Variants in SAMMSON observed in about 807,000 individuals in gnomAD.
SAMMSON encodes the protein survival associated mitochondrial melanoma specific oncogenic non-coding RNA, also known as long intergenic non-protein coding RNA 1212.
chr3:70,128,004 T>A (rs2067466598), intron 4 of SAMMSON, among the ~76,000 whole-genome samples: 1 of 152,220 alleles, frequency 6.6e-6, no homozygotes, highest in Admixed American at 6.5e-5. Context: ...AGGACCAGAA[T>A]GGATAACGTT....
chr3:70,218,917 C>T (rs1701438067), intron 4 of SAMMSON, among the ~76,000 whole-genome samples: 1 of 151,942 alleles, frequency 6.6e-6, no homozygotes, highest in African/African-American at 2.4e-5. Flanking sequence ...TTAAAATAAG[C>T]TACCACAAAG....
intron 7 of SAMMSON, among the ~76,000 whole-genome samples, chr3:70,335,899 C>G (rs1702656504): frequency 6.6e-6 from 1 of 151,908 alleles, no homozygotes; most frequent in South Asian, 2.1e-4. Context: ...TGTATCAAAC[C>G]AGGAGACCCC....
intron 1 of SAMMSON, among the ~76,000 whole-genome samples, chr3:70,005,359 A>C (rs2066922494): frequency 7.3e-6 from 1 of 137,358 alleles, no homozygotes. Context: ...TCTGTTCCAT[A>C]TGGGGTGGGC....
chr3:70,287,974 A>G (rs1341495995), intron 6 of SAMMSON, among the ~76,000 whole-genome samples: 4 of 151,870 alleles, frequency 2.6e-5, no homozygotes, highest in Admixed American at 2.0e-4. Context: ...TCTTGCTAGC[A>G]GTCTATCTCT....
chr3:70,225,179 G>A (rs1240315598), intron 4 of SAMMSON, among the ~76,000 whole-genome samples: 1 of 151,738 alleles, frequency 6.6e-6, no homozygotes. Flanking sequence ...TGATGAACTA[G>A]TCCACAAAAG....
At chr3:70,422,763 A>T (rs1246862967) in intron 2 of SAMMSON, among the ~76,000 whole-genome samples, 4 of 151,716 alleles carry the variant, frequency 2.6e-5, no homozygotes, top group South Asian at 2.1e-4. Context: ...CCATATAAAT[A>T]AAAAAAAGCA....
chr3:70,372,334 C>G (rs1018463908), intron 9 of SAMMSON, among the ~76,000 whole-genome samples: 3 of 151,500 alleles, frequency 2.0e-5, no homozygotes, highest in African/African-American at 7.3e-5. Flanking sequence ...ATTTTTGATA[C>G]AGAGTCTTAT....
chr3:70,424,063 A>G (rs1486743666), intron 2 of SAMMSON, among the ~76,000 whole-genome samples: 1 of 152,234 alleles, frequency 6.6e-6, no homozygotes, highest in East Asian at 1.9e-4. Flanking sequence ...TTTGTCCAGT[A>G]GAGATACAAT....
At chr3:70,066,419 A>AGGAAGAATG (rs2067210688) in intron 3 of SAMMSON, among the ~76,000 whole-genome samples, 1 of 152,062 alleles carries the variant, frequency 6.6e-6, no homozygotes, top group Non-Finnish European at 1.5e-5. Context: ...TTTTTCTTAT[A>AGGAAGAATG]GGAAGAATGG....
intron 4 of SAMMSON, among the ~76,000 whole-genome samples, chr3:70,151,897 G>A (rs572023438): frequency 1.3e-5 from 2 of 151,328 alleles, no homozygotes; most frequent in South Asian, 4.2e-4. Context: ...TTAAACATAA[G>A]TTTGTTTTTT....
intron 3 of SAMMSON, among the ~76,000 whole-genome samples, chr3:70,059,952 G>A (rs892733261): frequency 6.6e-6 from 1 of 152,188 alleles, no homozygotes; most frequent in Non-Finnish European, 1.5e-5. Flanking sequence ...AGTGTTATTG[G>A]TGATAAAGAT....
intron 4 of SAMMSON, among the ~76,000 whole-genome samples, chr3:70,178,844 A>C (rs2106704088): frequency 6.6e-6 from 1 of 152,196 alleles, no homozygotes; most frequent in African/African-American, 2.4e-5. Flanking sequence ...CCTCATCTTT[A>C]CCAAAAATAC....
intron 4 of SAMMSON, among the ~76,000 whole-genome samples, chr3:70,152,213 T>C (rs2067574705): frequency 6.6e-6 from 1 of 151,974 alleles, no homozygotes; most frequent in Non-Finnish European, 1.5e-5. Context: ...TGATTTGCGA[T>C]ACCATGAAAA....
At chr3:70,345,777 C>T (rs1193450035) in intron 7 of SAMMSON, among the ~76,000 whole-genome samples, 8 of 151,810 alleles carry the variant, frequency 5.3e-5, no homozygotes, top group Non-Finnish European at 5.9e-5. Flanking sequence ...TTTAACTTAG[C>T]GATAGCATTT....
chr3:70,086,196 G>T (rs1442081144), intron 4 of SAMMSON, among the ~76,000 whole-genome samples: 7 of 152,292 alleles, frequency 4.6e-5, no homozygotes, highest in Middle Eastern at 3.4e-3. Flanking sequence ...TCCTGAGCCT[G>T]GCTCAGGGGC....
At chr3:70,020,626 A>T (rs745544797) in intron 3 of SAMMSON, among the ~76,000 whole-genome samples, 1 of 151,960 alleles carries the variant, frequency 6.6e-6, no homozygotes, top group Admixed American at 6.6e-5. Context: ...TCATCCACAC[A>T]TTTCTCTTCG....
intron 3 of SAMMSON, among the ~76,000 whole-genome samples, chr3:70,027,539 A>G (rs528860849): frequency 6.6e-6 from 1 of 152,348 alleles, no homozygotes; most frequent in East Asian, 1.9e-4. Flanking sequence ...AAATCAATTT[A>G]ATGTCATGAA....
chr3:70,238,074 T>A, intron 4 of SAMMSON, among the ~76,000 whole-genome samples: 1 of 148,752 alleles, frequency 6.7e-6, no homozygotes, highest in Non-Finnish European at 1.5e-5. Flanking sequence ...TCTTTATACC[T>A]TGAGTGGAAA....
intron 6 of SAMMSON, among the ~76,000 whole-genome samples, chr3:70,252,937 G>A (rs542095163): frequency 3.3e-5 from 5 of 151,840 alleles, no homozygotes; most frequent in Admixed American, 6.6e-5. Context: ...AAAATTAGCC[G>A]GCTGTGGTGG....
Sources: allele counts gnomAD v4.1 joint callset (sites outside exome capture counted in the v4.1 genomes callset), GRCh38; gene constraint gnomAD v4.1.1; transcripts MANE v1.5; gene names NCBI Gene and HGNC (gene_info 2026-07-23, HGNC 2026-07-21).